PC: variants seen among roughly 807,000 people sequenced by gnomAD.
The protein encoded by PC is pyruvate carboxylase, mitochondrial.
PC carries 46 observed loss-of-function variants against 107.8 expected under a neutral mutation model. That is an observed-to-expected ratio of 0.43 (90% CI 0.34 to 0.55). The LOEUF is 0.55. Among genes scored for constraint, PC ranks in the 20% least tolerant of loss-of-function variants. The pLI, the probability that PC is intolerant of heterozygous loss-of-function variation, is 0.04. For synonymous variants in PC, 662 were observed against 684.7 expected (o/e 0.97, Z 0.52); for missense variants, 1,241 against 1,643.1 (o/e 0.76, Z 4.23).
intron 3 of PC, among the ~76,000 whole-genome samples, chr11:66,947,043 G>A (rs529316005): frequency 2.0e-5 from 3 of 152,234 alleles, no homozygotes; most frequent in East Asian, 1.9e-4. Flanking sequence ...ACAGCTGGTA[G>A]GAATGTAAAA....
Position 66,857,759 on chromosome 11 carries a change from C to CCTGCTG in PC, c.1369-4382_1369-4377dup, listed in dbSNP as rs752774479. 1 of 1,593,026 alleles carries CCTGCTG rather than the reference C, an allele frequency of 6.3e-7. No homozygotes were observed. Among genetic ancestry groups the CCTGCTG allele is most frequent in the South Asian group, 1.1e-5 (1 of 90,802 alleles). Reference sequence around the variant, plus strand: ...GGGCGCTCACCATGGCCCCGCCGCTCCTGCTGCTGCTGCTGGCCAGTGGAG... The same window carrying CCTGCTG: ...GGGCGCTCACCATGGCCCCGCCGCTCCTGCTGCTGCTGCTGCTGCTGGCCAGTGGAG... On this transcript the variant is annotated intron_variant, in intron 12 of 22. Coordinates refer to ENST00000393960, the MANE Select transcript of PC (RefSeq NM_001040716.2). This position sits in a 1 kb window ranked among gnomAD's most constrained non-coding sequence, Gnocchi z 7.1.
chr11:66,907,164 T>C (rs550190284), intron 3 of PC, among the ~76,000 whole-genome samples: 2 of 152,302 alleles, frequency 1.3e-5, no homozygotes, highest in South Asian at 4.1e-4. Context: ...ACTGTCACCA[T>C]CATGCAAGGG....
chr11:66,862,562 C>T (rs1193808290), intron 12 of PC, among the ~76,000 whole-genome samples: 2 of 152,200 alleles, frequency 1.3e-5, no homozygotes, highest in Non-Finnish European at 2.9e-5. Context: ...TGTGGGGACC[C>T]CCAAGAAGAA....
intron 3 of PC, among the ~76,000 whole-genome samples, chr11:66,906,263 C>T (rs1316578293): frequency 4.6e-5 from 7 of 152,176 alleles, no homozygotes; most frequent in Admixed American, 2.6e-4. Context: ...CAGGCACTGT[C>T]GGTCATCAGA....
At chr11:66,904,643 A>G (rs77385694) in intron 3 of PC, among the ~76,000 whole-genome samples, 1 of 152,152 alleles carries the variant, frequency 6.6e-6, no homozygotes, top group Admixed American at 6.6e-5. Context: ...GTCTCAAAAC[A>G]CACACACACA....
intron 3 of PC, among the ~76,000 whole-genome samples, chr11:66,943,493 C>CT (rs1949199559): frequency 6.6e-6 from 1 of 151,826 alleles, no homozygotes; most frequent in Non-Finnish European, 1.5e-5. Flanking sequence ...AATCCCAACA[C>CT]TTTGGGAGGC....
chr11:66,859,724 G>A (rs779673118), intron 12 of PC: 21 of 1,611,002 alleles, frequency 1.3e-5, no homozygotes, highest in Middle Eastern at 1.6e-4. Context: ...CCTTGTCACC[G>A]GCCGCTGGGC....
intron 3 of PC, among the ~76,000 whole-genome samples, chr11:66,885,428 T>C (rs954113181): frequency 1.4e-4 from 21 of 148,544 alleles, no homozygotes; most frequent in Admixed American, 1.1e-3. Context: ...GAGGCAGAGG[T>C]TGCAGTGAGC....
intron 3 of PC, among the ~76,000 whole-genome samples, chr11:66,939,571 A>C (rs980207369): frequency 1.1e-4 from 17 of 152,096 alleles, no homozygotes; most frequent in Non-Finnish European, 2.1e-4. Context: ...TTGGGAGGCC[A>C]AGGCGGGTGG....
chr11:66,935,452 G>C (rs539390295), intron 3 of PC, among the ~76,000 whole-genome samples: 1 of 152,286 alleles, frequency 6.6e-6, no homozygotes, highest in South Asian at 2.1e-4. Flanking sequence ...TTAGATGGAG[G>C]TAGACTCCCA....
Position 66,859,687 on chromosome 11 carries a change from G to C in PC, c.1368+4087C>G, listed in dbSNP as rs910272932. On this transcript the variant is annotated intron_variant, in intron 12 of 22. Transcript: ENST00000393960. The stretch of plus-strand genomic sequence containing the variant: ...TTCCTGCTGAAGCACCTCGTCCCCG[G>C]CGCTGACTATGACCTCTGCCTGCTG... 2 of 1,612,970 alleles carry C rather than the reference G, an allele frequency of 1.2e-6. No homozygotes were observed. The highest frequency in any genetic ancestry group is 1.7e-6 in the Non-Finnish European group (2 of 1,179,896).
intron 18 of PC, 69 bp downstream of exon 18, chr11:66,850,605 A>G (rs2135797922): frequency 1.2e-6 from 2 of 1,601,836 alleles, no homozygotes; most frequent in Middle Eastern, 1.9e-4. Context: ...AGGCAGGTCC[A>G]ACACTACTGG....
At chr11:66,883,715 C>T (rs74583953) in intron 3 of PC, among the ~76,000 whole-genome samples, 5,579 of 152,244 alleles carry the variant, frequency 0.037, 190 homozygotes, top group African/African-American at 0.077. Context: ...AAGACCAGAA[C>T]TAAATAAATG....
intron 3 of PC, among the ~76,000 whole-genome samples, chr11:66,872,457 G>C (rs1024270581): frequency 6.6e-6 from 1 of 152,054 alleles, no homozygotes; most frequent in Non-Finnish European, 1.5e-5. Context: ...CTCCTGAGTA[G>C]TTAAGACTAC....
chr11:66,939,801 T>A, intron 3 of PC, among the ~76,000 whole-genome samples: 1 of 53,480 alleles, frequency 1.9e-5, no homozygotes, highest in Non-Finnish European at 3.2e-5. Flanking sequence ...CAAAACTCCG[T>A]CTCAAAAAAA....
At chr11:66,949,333 G>T (rs1295287050) in intron 3 of PC, among the ~76,000 whole-genome samples, 1 of 151,900 alleles carries the variant, frequency 6.6e-6, no homozygotes, top group South Asian at 2.1e-4. Flanking sequence ...AGTTGAATAT[G>T]ATTTATAAGT....
chr11:66,874,620 CA>C (rs1946904027), intron 3 of PC, among the ~76,000 whole-genome samples: 1 of 152,042 alleles, frequency 6.6e-6, no homozygotes, highest in South Asian at 2.1e-4. Flanking sequence ...GACCCACAGC[CA>C]GGGGAGAAAA....
At chr11:66,907,017 T>G (rs1012397979) in intron 3 of PC, among the ~76,000 whole-genome samples, 13 of 152,190 alleles carry the variant, frequency 8.5e-5, no homozygotes, top group Non-Finnish European at 1.8e-4. Flanking sequence ...CCAGGGCATT[T>G]TGTGAAGGAC....
intron 3 of PC, chr11:66,907,807 G>A (rs1209975359): frequency 6.6e-6 from 1 of 152,288 alleles, no homozygotes; most frequent in African/African-American, 2.4e-5. Flanking sequence ...GCCTCTGAAA[G>A]TCGGTTCTCT....
Sources: allele counts gnomAD v4.1 joint callset (sites outside exome capture counted in the v4.1 genomes callset), GRCh38; gene constraint gnomAD v4.1.1; non-coding constraint Gnocchi (gnomAD v3.1); transcripts MANE v1.5; gene names NCBI Gene and HGNC (gene_info 2026-07-23, HGNC 2026-07-21).